The following PTPRK variants were observed in gnomAD, a reference collection of about 807,000 sequenced individuals.
PTPRK encodes receptor-type tyrosine-protein phosphatase kappa.
Under a neutral mutation model 178.0 loss-of-function variants are expected in PTPRK, and 75 were observed. The ratio of observed to expected loss-of-function variants is 0.42; its 90% CI spans 0.35 to 0.51. The LOEUF (loss-of-function observed/expected upper bound fraction) is 0.51. PTPRK is among the 20% of genes least tolerant of loss of function. PTPRK has a pLI of 0.02. For missense variants in PTPRK, 1,441 were observed against 1,797.8 expected, an observed-to-expected ratio of 0.80 and a Z score of 3.59; for synonymous variants, 637 against 620.6, an observed-to-expected ratio of 1.03 and a Z score of -0.39.
intron 13 of PTPRK, among the ~76,000 whole-genome samples, chr6:128,035,195 C>T (rs867749453): frequency 1.8e-4 from 27 of 151,924 alleles, no homozygotes; most frequent in African/African-American, 4.4e-4. Flanking sequence ...GTTGAAATCC[C>T]GGCTCTACAA....
At chr6:128,121,581 A>G (rs1792471465) in intron 7 of PTPRK, among the ~76,000 whole-genome samples, 1 of 152,030 alleles carries the variant, frequency 6.6e-6, no homozygotes, top group Admixed American at 6.6e-5. Context: ...ACTTATCTGC[A>G]CAGAAAAGTT....
intron 6 of PTPRK, 24 bp downstream of exon 6, chr6:128,218,898 G>A (rs1314410038): frequency 6.3e-7 from 1 of 1,581,216 alleles, no homozygotes; most frequent in Non-Finnish European, 8.6e-7. Flanking sequence ...GCAATTTCGT[G>A]AAGTGAAAAC....
intron 3 of PTPRK, among the ~76,000 whole-genome samples, chr6:128,303,897 A>G (rs1364757919): frequency 4.6e-5 from 7 of 152,192 alleles, no homozygotes; most frequent in African/African-American, 1.7e-4. Flanking sequence ...AATTATTTGA[A>G]GTCTAGATAC....
chr6:128,518,171 T>G (rs1183282796), intron 1 of PTPRK, among the ~76,000 whole-genome samples: 1 of 152,218 alleles, frequency 6.6e-6, no homozygotes, highest in Non-Finnish European at 1.5e-5. Context: ...TGAGATGCAA[T>G]CCTGTGATTA....
chr6:127,980,984 TGTTTCAATAAAA>T, intron 25 of PTPRK, 120 bp downstream of exon 25: 1 of 846,904 alleles, frequency 1.2e-6, no homozygotes, highest in Non-Finnish European at 1.7e-6. Flanking sequence ...CAAAAAAATG[TGTTTCAATAAAA>T]GTTTCCACTT....
At chr6:128,448,161 G>A (rs930322085) in intron 1 of PTPRK, among the ~76,000 whole-genome samples, 20 of 152,176 alleles carry the variant, frequency 1.3e-4, no homozygotes, top group Admixed American at 1.1e-3. Flanking sequence ...AGTAGATGAC[G>A]GCCCACTATT....
intron 3 of PTPRK, among the ~76,000 whole-genome samples, chr6:128,243,694 T>TA (rs199735887): frequency 4.1e-4 from 61 of 149,236 alleles, no homozygotes; most frequent in Admixed American, 8.7e-4. Flanking sequence ...ACCCTGACTC[T>TA]AAAAAAAAAT....
chr6:128,360,572 G>A (rs1834597446), intron 2 of PTPRK, among the ~76,000 whole-genome samples: 3 of 152,102 alleles, frequency 2.0e-5, no homozygotes, highest in Non-Finnish European at 4.4e-5. Context: ...TGAATATGAA[G>A]CCAGTAATTC....
intron 6 of PTPRK, among the ~76,000 whole-genome samples, chr6:128,187,312 A>C (rs1802947308): frequency 6.6e-6 from 1 of 152,186 alleles, no homozygotes; most frequent in Non-Finnish European, 1.5e-5. Context: ...CACAACATTA[A>C]TTCCAACATT....
Position 127,976,922 on chromosome 6 carries a change from C to A in PTPRK, c.3843+1G>T, listed in dbSNP as rs1562369160. 2 of 1,613,902 alleles carry A rather than the reference C, an allele frequency of 1.2e-6. No individual in the cohort carries two copies. The highest frequency in any genetic ancestry group is 1.3e-5 in the African/African-American group (1 of 75,008). ...CATAAAAGCAATCCATAGCCATTAA[C>A]CTGGGACAAGTCGACTTCGTTTAAC... On this transcript the variant is annotated splice_donor_variant, in intron 26 of 29. Transcript: ENST00000368226. LOFTEE classifies it high-confidence loss of function.
chr6:128,393,280 G>C (rs9402037), intron 2 of PTPRK, among the ~76,000 whole-genome samples: 56 of 151,710 alleles, frequency 3.7e-4, no homozygotes, highest in African/African-American at 1.3e-3. Context: ...TAGTAGAGAC[G>C]GGGTTTCACC....
intron 3 of PTPRK, among the ~76,000 whole-genome samples, chr6:128,244,830 A>T (rs1224708092): frequency 6.6e-6 from 1 of 152,182 alleles, no homozygotes; most frequent in African/African-American, 2.4e-5. Flanking sequence ...AACAACTTGA[A>T]AATTTGGGAG....
At chr6:128,336,017 G>C (rs1392664156) in intron 2 of PTPRK, among the ~76,000 whole-genome samples, 1 of 152,126 alleles carries the variant, frequency 6.6e-6, no homozygotes, top group African/African-American at 2.4e-5. Flanking sequence ...ATGCCACATT[G>C]ACCAATGGTG....
At chr6:128,510,576 T>C (rs73772047) in intron 1 of PTPRK, among the ~76,000 whole-genome samples, 5,897 of 152,240 alleles carry the variant, frequency 0.039, 379 homozygotes, top group African/African-American at 0.13. Context: ...ACAGCTTACT[T>C]TACCCTTTGC....
intron 3 of PTPRK, among the ~76,000 whole-genome samples, chr6:128,289,033 G>A (rs181607276): frequency 2.8e-4 from 42 of 152,084 alleles, no homozygotes; most frequent in African/African-American, 9.2e-4. Flanking sequence ...TGGCTACAGC[G>A]TGCACCAGTG....
intron 7 of PTPRK, among the ~76,000 whole-genome samples, chr6:128,094,410 T>C (rs950690394): frequency 2.0e-5 from 3 of 152,060 alleles, no homozygotes; most frequent in African/African-American, 7.2e-5. Context: ...GGGCTACTGA[T>C]GTGGAAGGAA....
chr6:128,111,376 G>A (rs1470730835), intron 7 of PTPRK, among the ~76,000 whole-genome samples: 1 of 152,084 alleles, frequency 6.6e-6, no homozygotes, highest in South Asian at 2.1e-4. Context: ...ATCTGCTAGA[G>A]ATCATTCTTG....
intron 7 of PTPRK, among the ~76,000 whole-genome samples, chr6:128,117,070 C>G (rs58274350): frequency 0.01 from 1,555 of 151,874 alleles, 21 homozygotes; most frequent in African/African-American, 0.035. Context: ...GGCATGAACC[C>G]GGGAGGCGGA....
chr6:128,094,465 G>GGTT (rs1787566846), intron 7 of PTPRK, among the ~76,000 whole-genome samples: 1 of 152,096 alleles, frequency 6.6e-6, no homozygotes, highest in African/African-American at 2.4e-5. Context: ...TATGTGAATG[G>GGTT]ATACAATATA....
Sources: gnomAD v4.1 joint callset for allele counts (sites outside exome capture counted in the v4.1 genomes callset) on GRCh38, gnomAD v4.1.1 for gene constraint, MANE v1.5 for transcripts, NCBI Gene and HGNC (gene_info 2026-07-23, HGNC 2026-07-21) for gene names.